The following PSTPIP1 variants were observed in gnomAD, a reference collection of about 807,000 sequenced individuals.
PSTPIP1 encodes the protein proline-serine-threonine phosphatase interacting protein 1.
A neutral mutation model predicts 69.6 loss-of-function variants in PSTPIP1; 66 were observed. The ratio of observed to expected loss-of-function variants is 0.95; its 90% CI spans 0.78 to 1.16. PSTPIP1 has a LOEUF of 1.16. Ranked by LOEUF, PSTPIP1 falls within the 50% of genes most tolerant of loss-of-function variation. PSTPIP1 has a pLI of 0.00. For synonymous variants in PSTPIP1, 266 were observed against 222.7 expected, an observed-to-expected ratio of 1.19 and a Z score of -1.73; for missense variants, 603 against 557.4, an observed-to-expected ratio of 1.08 and a Z score of -0.82.
In PSTPIP1 at chr15:77,027,565, G is replaced by C. The variant is rs1292697085; in HGVS notation, c.355-287G>C. ...GCTCAGGGATGCAGGATGAACGACT[G>C]TGTGCGCACGTGTGTTGGGGTGGGA... On this transcript the variant is annotated intron_variant, in intron 5 of 14. Coordinates refer to ENST00000558012, the MANE Select transcript of PSTPIP1 (RefSeq NM_003978.5). The surrounding 1 kb of genome is among the most constrained non-coding windows in gnomAD (Gnocchi z 4.3). 6.6e-6 allele frequency among the ~76,000 whole-genome samples: 1 copy of C among 152,218 alleles called. No individual in the cohort carries two copies. The highest frequency in any genetic ancestry group is 1.5e-5 in the Non-Finnish European group (1 of 68,036).
intron 11 of PSTPIP1, 96 bp from the exon 12 acceptor site, chr15:77,032,766 A>AG: frequency 9.2e-7 from 1 of 1,090,938 alleles, no homozygotes; most frequent in South Asian, 1.5e-5. Context: ...AGGATGGGCC[A>AG]GGGCCAGATT....
Position 77,032,897 on chromosome 15 carries a change from G to T in PSTPIP1, c.874G>T (p.Val292Phe). 2 of 1,603,828 alleles carry T rather than the reference G, an allele frequency of 1.2e-6. No homozygotes were observed. The highest frequency in any genetic ancestry group is 1.7e-6 in the Non-Finnish European group (2 of 1,175,784). Reference protein sequence around the residue: ...VPYQNYYDREVTPLTSSPGIQ... With the variant: ...VPYQNYYDREFTPLTSSPGIQ... ...CTACCAGAACTATTACGATCGGGAG[G>T]TCACCCCGCTGACCAGCAGCCCTGG... The change falls in exon 12 of 15, where the codon GTC becomes TTC. Residue 292 changes from valine to phenylalanine, a missense_variant. Coordinates refer to ENST00000558012, the MANE Select transcript of PSTPIP1 (RefSeq NM_003978.5).
At chr15:77,030,654 T>A in intron 9 of PSTPIP1, 73 bp downstream of exon 9, 1 of 1,431,990 alleles carries the variant, frequency 7.0e-7, no homozygotes, top group Non-Finnish European at 9.4e-7. Context: ...TCCAGCTGCT[T>A]AAAGGGGCCC....
At position 77,017,929 on chromosome 15, in the gene PSTPIP1, G is replaced by T. The variant is rs547376518; in HGVS notation, c.37-219G>T. Reference sequence around the variant, plus strand: ...CCCGGCACCCCCGGCCCTGTCAGCTGGGTGGGGCTCACTTATGTACCTGTC... The same window carrying T: ...CCCGGCACCCCCGGCCCTGTCAGCTTGGTGGGGCTCACTTATGTACCTGTC... On this transcript the variant is annotated intron_variant, in intron 1 of 14. Transcript: ENST00000558012. Among the ~76,000 whole-genome samples the T allele has an allele frequency of 4.6e-5, 7 of 152,366 alleles. No individual in the cohort carries two copies. The South Asian group carries it at 8.3e-4, about 18-fold the overall frequency.
At chr15:77,024,752 C>G (rs1452359255) in intron 3 of PSTPIP1, among the ~76,000 whole-genome samples, 1 of 121,710 alleles carries the variant, frequency 8.2e-6, no homozygotes, top group Non-Finnish European at 1.8e-5. Context: ...CTCCCTCCCT[C>G]CCTGGCAGAC....
rs370745407 is a variant in PSTPIP1 at position 77,025,614 on chromosome 15, G to A, written c.354+10G>A. 4.2e-4 allele frequency: 646 copies of A among 1,538,642 alleles called. No homozygotes were observed. Among genetic ancestry groups the A allele is most frequent in the Non-Finnish European group, 5.4e-4 (615 of 1,137,170 alleles). On this transcript the variant is annotated intron_variant, in intron 5 of 14. Transcript: ENST00000558012. ...GGAGCAGAGGAAGAAGGTGAGGCAG[G>A]TGCAGGGGGCGGGGGAGCTGCTCCC... is the stretch of plus-strand genomic sequence containing the variant.
intron 1 of PSTPIP1, among the ~76,000 whole-genome samples, chr15:76,999,181 G>A (rs1314522076): frequency 6.6e-6 from 1 of 152,206 alleles, no homozygotes; most frequent in Admixed American, 6.5e-5. Flanking sequence ...GGGCTGACAA[G>A]TGGGGTACTG....
Position 77,027,905 on chromosome 15 carries a change from G to C in PSTPIP1, c.408G>C (p.Lys136Asn). 1 of 1,561,938 alleles carries C rather than the reference G, an allele frequency of 6.4e-7. No homozygotes were observed. Among genetic ancestry groups the C allele is most frequent in the East Asian group, 2.4e-5 (1 of 41,654 alleles). The change falls in exon 6 of 15, where the codon AAG becomes AAC. Residue 136 changes from lysine to asparagine, a missense_variant. Physicochemically the swap from Lys to Asn is moderately conservative, Grantham distance 94. Coordinates refer to ENST00000558012, the MANE Select transcript of PSTPIP1 (RefSeq NM_003978.5). The surrounding 1 kb of genome is among the most constrained non-coding windows in gnomAD (Gnocchi z 4.3). The part of the protein sequence containing the change: ...VQKSKLSLYK[K>N]AMESKKTYEQ... Reference sequence around the variant, plus strand: ...AGAGCAAGCTGTCGCTCTACAAGAAGGCCATGGAGGTGAGCGCCAGGGCCT... The same window carrying C: ...AGAGCAAGCTGTCGCTCTACAAGAACGCCATGGAGGTGAGCGCCAGGGCCT...
chr15:77,037,160 A>G lies in PSTPIP1; in HGVS notation c.1235A>G (p.Tyr412Cys). 6.2e-7 allele frequency: 1 copy of G among 1,609,006 alleles called. No homozygotes were observed. Residue 412 changes from tyrosine (Y) to cysteine (C), a missense_variant, in exon 15 of 15, where the codon TAC becomes TGC. Transcript: ENST00000558012. ...NGQRGFVPGS[Y>C]LEKL ...CAGCGTGGCTTCGTCCCTGGTTCCT[A>G]CCTGGAGAAGCTTTGAGGAAGGGCC...
At chr15:77,000,001 C>A (rs2075663281) in intron 1 of PSTPIP1, among the ~76,000 whole-genome samples, 1 of 152,200 alleles carries the variant, frequency 6.6e-6, no homozygotes, top group Admixed American at 6.5e-5. Context: ...TGACTGTCAC[C>A]CACCCTTTGG....
intron 10 of PSTPIP1, 51 bp downstream of exon 10, chr15:77,031,329 G>A: frequency 6.4e-7 from 1 of 1,567,214 alleles, no homozygotes; most frequent in Non-Finnish European, 8.8e-7. Context: ...CCTCTAGGCA[G>A]CAAAGCACCC....
intron 13 of PSTPIP1, 111 bp downstream of exon 13, chr15:77,035,674 C>T: frequency 6.8e-7 from 1 of 1,473,866 alleles, no homozygotes; most frequent in Non-Finnish European, 9.2e-7. Flanking sequence ...AGTGTGTGTC[C>T]CCCAACAGCA....
At chr15:77,015,104 C>T (rs979199424) in intron 1 of PSTPIP1, among the ~76,000 whole-genome samples, 3 of 152,220 alleles carry the variant, frequency 2.0e-5, no homozygotes, top group African/African-American at 7.2e-5. Context: ...CCCAGGCTAG[C>T]CTCTGTGAAT....
chr15:77,021,665 C>T (rs150499039), intron 3 of PSTPIP1, among the ~76,000 whole-genome samples: 263 of 152,176 alleles, frequency 1.7e-3, no homozygotes, highest in African/African-American at 5.7e-3. Context: ...GGCTGCAGAG[C>T]GAGACTCCAT....
rs1437781725 is a variant in PSTPIP1 at position 77,030,643 on chromosome 15, C to T, written c.642+62C>T. 19 of 1,480,972 alleles carry T rather than the reference C, an allele frequency of 1.3e-5. 1 individual carries two copies. In the Admixed American group the frequency reaches 2.5e-4, roughly 19 times the overall value. The allele number at this position is 1,480,972 out of a possible 1,614,324, so 91.7% of individuals were successfully genotyped here. On this transcript the variant is annotated intron_variant, in intron 9 of 14. Transcript: ENST00000558012. ...GGGAAGTGTGAGACGCCCATCCCTA[C>T]TCCAGCTGCTTAAAGGGGCCCAAGT... is the stretch of plus-strand genomic sequence containing the variant.
At chr15:77,036,210 G>A (rs935209476) in intron 14 of PSTPIP1, among the ~76,000 whole-genome samples, 3 of 152,174 alleles carry the variant, frequency 2.0e-5, no homozygotes, top group Non-Finnish European at 4.4e-5. Context: ...GCAGGCCTGT[G>A]TCTGCCCGGG....
chr15:77,031,073 CAG>C, intron 9 of PSTPIP1, 105 bp from the exon 10 acceptor site: 2 of 1,095,894 alleles, frequency 1.8e-6, no homozygotes, highest in Non-Finnish European at 2.7e-6. Context: ...GGGCTTCCAG[CAG>C]AGAGGGCTGG....
At chr15:77,006,517 T>C (rs962382100) in intron 1 of PSTPIP1, among the ~76,000 whole-genome samples, 9 of 152,264 alleles carry the variant, frequency 5.9e-5, no homozygotes, top group Non-Finnish European at 1.2e-4. Context: ...AGAGAAATAA[T>C]TGCCAAATTA....
Position 77,030,376 on chromosome 15 carries a change from C to T in PSTPIP1, c.563-126C>T, listed in dbSNP as rs1014202264. 3.6e-5 allele frequency: 35 copies of T among 961,706 alleles called. No homozygotes were observed. In the East Asian group the frequency reaches 8.5e-4, roughly 23 times the overall value. The allele number at this position is 961,706 out of a possible 1,614,324, so 59.6% of individuals were successfully genotyped here. A position where few individuals can be genotyped will look rare whatever the true frequency, so the allele number is the denominator to read the frequency against. ...CATTCAGATGAGGCCCCGCCATCTG[C>T]TAGGGCAGGTCCCATGGGGGAGGCG... is the stretch of plus-strand genomic sequence containing the variant. On this transcript the variant is annotated intron_variant, in intron 8 of 14. Coordinates refer to ENST00000558012, the MANE Select transcript of PSTPIP1 (RefSeq NM_003978.5).
Sources: gnomAD v4.1 joint callset for allele counts (sites outside exome capture counted in the v4.1 genomes callset) on GRCh38, gnomAD v4.1.1 for gene constraint, Gnocchi (gnomAD v3.1) non-coding constraint, MANE v1.5 for transcripts, NCBI Gene and HGNC (gene_info 2026-07-23, HGNC 2026-07-21) for gene names.